Variants in OSBPL6 observed in about 807,000 individuals in gnomAD.
The protein encoded by OSBPL6 is oxysterol binding protein like 6, also known as oxysterol-binding protein-related protein 6.
OSBPL6 carries 49 observed loss-of-function variants against 125.8 expected under a neutral mutation model. The ratio of observed to expected loss-of-function variants is 0.39; its 90% confidence interval spans 0.31 to 0.49. The LOEUF (loss-of-function observed/expected upper bound fraction) is 0.49, where lower values mean the gene tolerates loss of function less well. Among genes scored for constraint, OSBPL6 ranks in the 20% least tolerant of loss-of-function variants. The probability of loss-of-function intolerance (pLI) is 0.88; values close to 1 mark genes in which losing one functional copy is unlikely to be tolerated. For missense variants in OSBPL6, 986 were observed against 1,135.4 expected (o/e 0.87, Z 1.89); for synonymous variants, 394 against 391.8 (o/e 1.01, Z -0.07).
chr2:178,275,170 G>C (rs916400413), intron 1 of OSBPL6, among the ~76,000 whole-genome samples: 44 of 152,240 alleles, frequency 2.9e-4, no homozygotes, highest in African/African-American at 1.0e-3. Context: ...GATATAGAGT[G>C]ATGTCACTAA....
In OSBPL6 at chr2:178,332,962, A is replaced by G; in HGVS notation, c.578A>G (p.Asp193Gly). 2 of 1,614,172 alleles carry G rather than the reference A, an allele frequency of 1.2e-6. No individual in the cohort carries two copies. The highest frequency in any genetic ancestry group is 1.7e-6 in the Non-Finnish European group (2 of 1,180,004). Residue 193 changes from aspartate (D) to glycine (G), a missense_variant, in exon 8 of 25, where the codon GAT (aspartate) becomes GGT (glycine). Asp to Gly is a moderately conservative substitution (Grantham distance 94). Around this residue, in one of 3 missense-constraint regions of OSBPL6, gnomAD observed 843 missense variants for 997.3 expected, o/e 0.85. Coordinates refer to ENST00000190611, the MANE Select transcript of OSBPL6 (RefSeq NM_032523.4). ...RQNEIVRSPRDASFHIFPSTS... is the reference protein window; with the variant it reads ...RQNEIVRSPRGASFHIFPSTS... The stretch of plus-strand genomic sequence containing the variant: ...AATGAAATTGTGAGATCACCAAGAG[A>G]TGCTAGTTTTCACATATTTCCTTCA...
intron 3 of OSBPL6, among the ~76,000 whole-genome samples, chr2:178,309,283 A>G (rs62176072): frequency 0.18 from 26,773 of 151,910 alleles, 2,540 homozygotes; most frequent in Admixed American, 0.24. Context: ...TGATCTCCTC[A>G]TCTGTATTGT....
intron 13 of OSBPL6, among the ~76,000 whole-genome samples, chr2:178,369,485 T>A (rs940156132): frequency 2.6e-5 from 4 of 152,196 alleles, no homozygotes; most frequent in Admixed American, 2.6e-4. Flanking sequence ...CAATCAAATT[T>A]GTATGTTTAT....
chr2:178,194,458 A>C (rs1348075504), upstream of OSBPL6: 1 of 151,852 alleles, frequency 6.6e-6, no homozygotes, highest in African/African-American at 2.4e-5. Context: ...GTGGGAGAGG[A>C]GGGGCTGCAG....
At chr2:178,390,269 C>A (rs924286176) in intron 21 of OSBPL6, among the ~76,000 whole-genome samples, 1 of 152,234 alleles carries the variant, frequency 6.6e-6, no homozygotes, top group African/African-American at 2.4e-5. Flanking sequence ...TGTGCTGTAA[C>A]CCTGGCAATG....
chr2:178,273,768 T>C (rs143395285), intron 1 of OSBPL6, among the ~76,000 whole-genome samples: 1,766 of 152,266 alleles, frequency 0.012, 32 homozygotes, highest in African/African-American at 0.041. Context: ...CAGAGGCAGT[T>C]GCAAATACAT....
chr2:178,333,183 A>C (rs1689380830), intron 8 of OSBPL6, 142 bp downstream of exon 8: 1 of 857,780 alleles, frequency 1.2e-6, no homozygotes, highest in Admixed American at 2.7e-5. Flanking sequence ...CAGGAGTTCG[A>C]GACCAGCCTG....
intron 1 of OSBPL6, among the ~76,000 whole-genome samples, chr2:178,270,483 A>G (rs1346045638): frequency 2.6e-5 from 4 of 152,230 alleles, no homozygotes; most frequent in African/African-American, 9.6e-5. Context: ...GAGAGGAGGC[A>G]TACCTTTCCC....
intron 3 of OSBPL6, 80 bp from the exon 4 acceptor site, chr2:178,324,097 T>C (rs957739574): frequency 1.8e-4 from 159 of 877,310 alleles, no homozygotes; most frequent in Admixed American, 6.5e-5. Context: ...TTGACTGTGT[T>C]GTGTATGATT....
intron 1 of OSBPL6, among the ~76,000 whole-genome samples, chr2:178,204,008 CTTTTCT>C (rs1261994545): frequency 5.4e-5 from 8 of 147,534 alleles, no homozygotes; most frequent in African/African-American, 1.8e-4. Flanking sequence ...TAACTGAATT[CTTTTCT>C]TTTTCTTTTT....
chr2:178,295,962 T>G (rs2154051057), intron 2 of OSBPL6, among the ~76,000 whole-genome samples: 1 of 152,342 alleles, frequency 6.6e-6, no homozygotes, highest in African/African-American at 2.4e-5. Context: ...ACTTTCTTAA[T>G]TTCAGAGGAA....
rs557144012 is a variant in OSBPL6, at chr2:178,220,876, C to G, written c.-351+26202C>G. 4.6e-5 allele frequency among the ~76,000 whole-genome samples: 7 copies of G among 152,260 alleles called. No homozygotes were observed. In the East Asian group the frequency reaches 1.4e-3, roughly 29 times the overall value. ...TCGATCTTGGATGTTTAGGATGTTG[C>G]TGAGATGCTGCATGGAAATATGCAG... On this transcript the variant is annotated intron_variant, in intron 1 of 24. Transcript: ENST00000190611.
At chr2:178,224,054 A>C (rs921802595) in intron 1 of OSBPL6, among the ~76,000 whole-genome samples, 10 of 152,208 alleles carry the variant, frequency 6.6e-5, no homozygotes, top group Admixed American at 6.5e-4. Context: ...GGAACGCCGC[A>C]TCTGAAGGGA....
chr2:178,200,859 G>A (rs1574462770), intron 1 of OSBPL6, among the ~76,000 whole-genome samples: 2 of 151,392 alleles, frequency 1.3e-5, no homozygotes, highest in South Asian at 2.1e-4. Context: ...GCAGTGGCGC[G>A]ATCTCGGCTC....
intron 2 of OSBPL6, among the ~76,000 whole-genome samples, chr2:178,289,274 C>T (rs1685016624): frequency 6.6e-6 from 1 of 152,076 alleles, no homozygotes; most frequent in South Asian, 2.1e-4. Flanking sequence ...CCTCGGCCTC[C>T]CAGAGTGCTG....
intron 2 of OSBPL6, among the ~76,000 whole-genome samples, chr2:178,286,221 T>C (rs1035632456): frequency 3.9e-5 from 6 of 152,234 alleles, no homozygotes; most frequent in African/African-American, 1.4e-4. Flanking sequence ...CTGGTTTCTC[T>C]TGGAAGATTA....
At chr2:178,391,759 A>G (rs574874208) in intron 22 of OSBPL6, among the ~76,000 whole-genome samples, 45 of 152,368 alleles carry the variant, frequency 3.0e-4, no homozygotes, top group African/African-American at 1.1e-3. Context: ...TAAATGGAAC[A>G]AGTATCCACA....
chr2:178,334,714 G>C (rs1432742556), intron 8 of OSBPL6, among the ~76,000 whole-genome samples: 5 of 152,060 alleles, frequency 3.3e-5, no homozygotes, highest in African/African-American at 9.7e-5. Context: ...TAGAGACAGG[G>C]TTTCGCCATG....
intron 8 of OSBPL6, among the ~76,000 whole-genome samples, chr2:178,334,042 C>T (rs975256764): frequency 5.9e-5 from 9 of 152,150 alleles, no homozygotes; most frequent in African/African-American, 1.9e-4. Flanking sequence ...TGACCTTGTT[C>T]TCTGGGCTGA....
Sources: allele counts gnomAD v4.1 joint callset (sites outside exome capture counted in the v4.1 genomes callset), GRCh38; gene constraint gnomAD v4.1.1; regional missense constraint gnomAD v4.1.1; transcripts MANE v1.5; gene names NCBI Gene and HGNC (gene_info 2026-07-23, HGNC 2026-07-21).